VEZT: variants seen among roughly 807,000 people sequenced by gnomAD.
VEZT encodes vezatin.
A neutral mutation model predicts 79.9 loss-of-function variants in VEZT; 39 were observed. The ratio of observed to expected loss-of-function variants is 0.49; its 90% CI spans 0.38 to 0.64. VEZT has a LOEUF of 0.64. Among genes scored for constraint, VEZT ranks in the 30% least tolerant of loss-of-function variants. The pLI, the probability that VEZT is intolerant of heterozygous loss-of-function variation, is 0.00. For synonymous variants in VEZT, 325 were observed against 327.6 expected, an observed-to-expected ratio of 0.99 and a Z score of 0.09; for missense variants, 837 against 893.1, an observed-to-expected ratio of 0.94 and a Z score of 0.80.
intron 1 of VEZT, among the ~76,000 whole-genome samples, chr12:95,229,797 G>A (rs985269311): frequency 6.6e-6 from 1 of 152,128 alleles, no homozygotes; most frequent in East Asian, 1.9e-4. Flanking sequence ...GTTAGAAAGT[G>A]TACTAACTTC....
rs567552822 is a variant in VEZT at position 95,235,779 on chromosome 12, C to T, written c.37-16161C>T. ...CCGGAGACGCTCCTCACTTCCCAGA[C>T]GGGGTGGCTGCCGGGCAGAGGGGCT... On this transcript the variant is annotated intron_variant, in intron 1 of 11. Transcript: ENST00000436874. 5.3e-5 allele frequency among the ~76,000 whole-genome samples: 8 copies of T among 149,598 alleles called. No individual in the cohort carries two copies. The East Asian group carries it at 1.6e-3, about 31-fold the overall frequency.
intron 7 of VEZT, among the ~76,000 whole-genome samples, chr12:95,281,793 G>A (rs540909969): frequency 2.6e-5 from 4 of 152,064 alleles, no homozygotes; most frequent in East Asian, 3.9e-4. Flanking sequence ...TGATCCATCC[G>A]CCTTCACCTC....
At chr12:95,272,110 A>G (rs2066730015) in intron 6 of VEZT, among the ~76,000 whole-genome samples, 1 of 152,190 alleles carries the variant, frequency 6.6e-6, no homozygotes, top group Non-Finnish European at 1.5e-5. Flanking sequence ...GTCAAGGCGC[A>G]GTGAGCTGTG....
At chr12:95,295,403 G>A (rs553737458) in intron 10 of VEZT, among the ~76,000 whole-genome samples, 4 of 151,898 alleles carry the variant, frequency 2.6e-5, no homozygotes, top group East Asian at 1.9e-4. Context: ...CTCGTGATCC[G>A]CCTGCCTCAG....
In VEZT at chr12:95,266,356, G is replaced by A. The variant is rs776344816; in HGVS notation, c.435-1G>A. On this transcript the variant is annotated splice_acceptor_variant, in intron 4 of 11. Transcript: ENST00000436874. LOFTEE classifies it high-confidence loss of function. ...TCATTTTCTTCCTTTCTTGTTCCCA[G>A]GGATCTCTCAATGCTATTTGCCTTC... 1 of 1,604,432 alleles carries A rather than the reference G, an allele frequency of 6.2e-7. No individual in the cohort carries two copies. Among genetic ancestry groups the A allele is most frequent in the African/African-American group, 1.3e-5 (1 of 74,778 alleles).
In VEZT at chr12:95,285,926, GTAGT is replaced by G. The variant is rs1221190954; in HGVS notation, c.1329-1735_1329-1732del. Among the ~76,000 whole-genome samples, 5 of 147,076 alleles carry G rather than the reference GTAGT, an allele frequency of 3.4e-5. No homozygotes were observed. The East Asian group carries it at 1.0e-3, about 30-fold the overall frequency. ...TATAAAACTTGATTTTCATTAGAGTGTAGTTATTTTGTCATACTAGTAAATAAAA... is the reference window on the plus strand; with the variant it reads ...TATAAAACTTGATTTTCATTAGAGTGTATTTTGTCATACTAGTAAATAAAA... On this transcript the variant is annotated intron_variant, in intron 8 of 11. Coordinates refer to ENST00000436874, the MANE Select transcript of VEZT (RefSeq NM_017599.4).
chr12:95,256,491 C>A, intron 2 of VEZT: 1 of 922,252 alleles, frequency 1.1e-6, no homozygotes, highest in Non-Finnish European at 1.5e-6. Context: ...TTCTTCTATA[C>A]TAAGTTCTTG....
Position 95,300,478 on chromosome 12 carries a change from G to T in VEZT, c.2145G>T (p.Arg715Ser), listed in dbSNP as rs764547825. Residue 715 changes from arginine (R) to serine (S), a missense_variant, in exon 12 of 12, where the codon AGG (arginine) becomes AGT (serine). Transcript: ENST00000436874. ...TGACCACTGCCCCTCCAACTCCCAG[G>T]GACTCATTACAGCCCTCCATTAAGC... The part of the protein sequence containing the change: ...SGLTTAPPTP[R>S]DSLQPSIKQR... 6.2e-7 allele frequency: 1 copy of T among 1,613,828 alleles called. No homozygotes were observed. Among genetic ancestry groups the T allele is most frequent in the Non-Finnish European group, 8.5e-7 (1 of 1,179,856 alleles).
intron 1 of VEZT, among the ~76,000 whole-genome samples, chr12:95,249,033 G>C (rs764581025): frequency 6.6e-6 from 1 of 152,090 alleles, no homozygotes; most frequent in Non-Finnish European, 1.5e-5. Context: ...TCAAATTTCA[G>C]TGTCTATAAA....
intron 1 of VEZT, among the ~76,000 whole-genome samples, chr12:95,221,779 T>A (rs1027319533): frequency 6.6e-6 from 1 of 152,054 alleles, no homozygotes; most frequent in South Asian, 2.1e-4. Context: ...GCCCAGGAAT[T>A]TGAGGCTGCA....
intron 3 of VEZT, 36 bp from the exon 4 acceptor site, chr12:95,262,870 G>T: frequency 6.6e-7 from 1 of 1,512,262 alleles, no homozygotes; most frequent in Non-Finnish European, 8.9e-7. Flanking sequence ...TATTATATAT[G>T]TGTTAATACC....
intron 9 of VEZT, among the ~76,000 whole-genome samples, chr12:95,291,148 T>A (rs781521666): frequency 2.0e-5 from 3 of 152,132 alleles, no homozygotes; most frequent in Non-Finnish European, 2.9e-5. Flanking sequence ...GAAAGATTGT[T>A]TGAGCCCAGG....
At chr12:95,234,350 C>T (rs759522370) in intron 1 of VEZT, among the ~76,000 whole-genome samples, 11 of 148,514 alleles carry the variant, frequency 7.4e-5, no homozygotes, top group Non-Finnish European at 1.6e-4. Context: ...TGCAATGGCG[C>T]GATCTGGGCT....
intron 1 of VEZT, chr12:95,245,648 T>C (rs1779464191): frequency 6.7e-6 from 3 of 445,722 alleles, no homozygotes; most frequent in Admixed American, 5.1e-5. Flanking sequence ...GTTCTATCTA[T>C]AAGAGTTTAA....
intron 1 of VEZT, chr12:95,224,123 A>C (rs1274716834): frequency 6.6e-6 from 3 of 455,536 alleles, no homozygotes; most frequent in Non-Finnish European, 1.3e-5. Context: ...CCATAATTCC[A>C]CCCTGATCAT....
intron 9 of VEZT, among the ~76,000 whole-genome samples, chr12:95,293,374 T>TAAAAATC (rs1286456897): frequency 5.3e-5 from 8 of 152,016 alleles, no homozygotes; most frequent in African/African-American, 1.9e-4. Context: ...TTTTGAAAAT[T>TAAAAATC]AAAAATCAAC....
At chr12:95,234,639 G>C (rs1284673118) in intron 1 of VEZT, among the ~76,000 whole-genome samples, 1 of 151,864 alleles carries the variant, frequency 6.6e-6, no homozygotes, top group Non-Finnish European at 1.5e-5. Flanking sequence ...AGCTAGTTTT[G>C]AAAGTAGTTT....
At chr12:95,235,872 C>T (rs1214462691) in intron 1 of VEZT, among the ~76,000 whole-genome samples, 1 of 149,908 alleles carries the variant, frequency 6.7e-6, no homozygotes, top group African/African-American at 2.5e-5. Context: ...GGTGGCAGGG[C>T]AGAGGCGCTC....
intron 1 of VEZT, among the ~76,000 whole-genome samples, chr12:95,241,501 T>C (rs2061013860): frequency 6.6e-6 from 1 of 152,080 alleles, no homozygotes; most frequent in African/African-American, 2.4e-5. Context: ...GACAAGGTCT[T>C]GCTTTATATT....
Sources: allele counts gnomAD v4.1 joint callset (sites outside exome capture counted in the v4.1 genomes callset), GRCh38; gene constraint gnomAD v4.1.1; transcripts MANE v1.5; gene names NCBI Gene and HGNC (gene_info 2026-07-23, HGNC 2026-07-21).